TTC6: variants seen among roughly 807,000 people sequenced by gnomAD.
TTC6 encodes tetratricopeptide repeat domain 6.
A neutral mutation model predicts 210.4 loss-of-function variants in TTC6; 172 were observed. That is an observed-to-expected ratio of 0.82 (90% CI 0.72 to 0.93). TTC6 has a LOEUF of 0.93. TTC6 is among the 40% of genes least tolerant of loss of function. The pLI, the probability that TTC6 is intolerant of heterozygous loss-of-function variation, is 0.00. For missense variants in TTC6, 2,414 were observed against 2,318.1 expected (o/e 1.04, Z -0.85); for synonymous variants, 804 against 819.6 (o/e 0.98, Z 0.32).
At chr14:37,829,979 A>G (rs2139010865) in intron 29 of TTC6, among the ~76,000 whole-genome samples, 1 of 152,192 alleles carries the variant, frequency 6.6e-6, no homozygotes. Flanking sequence ...CTATTTGCCA[A>G]ACTCCCCTTC....
chr14:37,830,015 A>C (rs973586698), intron 29 of TTC6, among the ~76,000 whole-genome samples: 1 of 152,058 alleles, frequency 6.6e-6, no homozygotes, highest in East Asian at 1.9e-4. Context: ...TGGTTGTCTG[A>C]AATTAGTCCT....
chr14:37,798,001 C>A (rs1470035713), intron 20 of TTC6, among the ~76,000 whole-genome samples: 2 of 152,020 alleles, frequency 1.3e-5, no homozygotes, highest in Non-Finnish European at 2.9e-5. Context: ...TGTTCTGTTC[C>A]TTTGGTCAAT....
chr14:37,811,985 CAG>C (rs758389374), intron 24 of TTC6, among the ~76,000 whole-genome samples: 89 of 152,256 alleles, frequency 5.8e-4, no homozygotes, highest in Admixed American at 9.8e-4. Context: ...ATCACAGCAA[CAG>C]TCATTTGATG....
intron 27 of TTC6, 66 bp downstream of exon 29, chr14:37,824,023 C>G: frequency 7.2e-7 from 1 of 1,389,910 alleles, no homozygotes; most frequent in Non-Finnish European, 1.0e-6. Flanking sequence ...TTGGCTCTTT[C>G]CTGGCAATGG....
intron 27 of TTC6, 143 bp downstream of exon 29, chr14:37,824,100 G>C: frequency 1.2e-6 from 1 of 802,764 alleles, no homozygotes; most frequent in Non-Finnish European, 1.9e-6. Flanking sequence ...CAGAGTAGCA[G>C]TGGGAGCAGG....
intron 27 of TTC6, among the ~76,000 whole-genome samples, chr14:37,825,129 ATACT>A (rs1188833877): frequency 9.2e-5 from 14 of 152,244 alleles, no homozygotes; most frequent in African/African-American, 2.6e-4. Flanking sequence ...TGTTCAACAA[ATACT>A]TACAGATTCC....
rs146231382 is a variant in TTC6 at position 37,719,526 on chromosome 14, A to G, written c.1713+4730A>G. Among the ~76,000 whole-genome samples the G allele has an allele frequency of 2.7e-4, 41 of 152,306 alleles. 1 individual carries two copies. The East Asian group carries it at 7.7e-3, about 29-fold the overall frequency. On this transcript the variant is annotated intron_variant, in intron 6 of 30. Transcript: ENST00000553443. ...GGCCTGTAGATCAATGGGACAGAGT[A>G]GAAAACCCACAAATGGACTCCTACA...
intron 14 of TTC6, among the ~76,000 whole-genome samples, chr14:37,776,494 T>G (rs1190118598): frequency 6.6e-6 from 1 of 152,218 alleles, no homozygotes; most frequent in Non-Finnish European, 1.5e-5. Flanking sequence ...CAGGACCTCT[T>G]TCTTGTAAGG....
intron 3 of TTC6, among the ~76,000 whole-genome samples, chr14:37,686,047 C>T (rs778546190): frequency 3.3e-5 from 5 of 152,048 alleles, no homozygotes; most frequent in Non-Finnish European, 5.9e-5. Context: ...AATTCCTAGA[C>T]TGAATATCAT....
In TTC6 at chr14:37,792,881, ATACT is replaced by A. The variant is rs746312313; in HGVS notation, c.3708+473_3708+476del. ...CCATAGAATGGGATACTGACCATTC[ATACT>A]TACTTTTAATTTTGTTTAAGTTTTA... is the stretch of plus-strand genomic sequence containing the variant. On this transcript the variant is annotated intron_variant, in intron 17 of 30. Transcript: ENST00000553443. Among the ~76,000 whole-genome samples the A allele has an allele frequency of 6.1e-4, 92 of 151,972 alleles. 1 individual carries two copies. In the Middle Eastern group the frequency reaches 0.014, roughly 22 times the overall value.
intron 1 of TTC6, among the ~76,000 whole-genome samples, chr14:37,635,576 G>A (rs1216582277): frequency 6.6e-6 from 1 of 152,118 alleles, no homozygotes; most frequent in Non-Finnish European, 1.5e-5. Flanking sequence ...TGATGATATT[G>A]GTAGGTTGAA....
intron 1 of TTC6, among the ~76,000 whole-genome samples, chr14:37,602,252 C>T (rs1009396222): frequency 6.6e-6 from 1 of 152,234 alleles, no homozygotes; most frequent in African/African-American, 2.4e-5. Context: ...ACCTTAATTG[C>T]CTCTCTGTCT....
intron 3 of TTC6, among the ~76,000 whole-genome samples, chr14:37,684,312 A>T (rs1034124863): frequency 1.3e-5 from 2 of 152,182 alleles, no homozygotes; most frequent in African/African-American, 4.8e-5. Flanking sequence ...ACATGACACT[A>T]GCCTATTGAT....
chr14:37,710,001 C>T (rs1416036547), intron 5 of TTC6, among the ~76,000 whole-genome samples: 2 of 152,142 alleles, frequency 1.3e-5, no homozygotes, highest in East Asian at 1.9e-4. Flanking sequence ...ATCAGTTTAG[C>T]GATTTGCTAT....
In TTC6 at chr14:37,827,180, T is replaced by C. The variant is rs1215772150; in HGVS notation, c.5128-16T>C. On this transcript the variant is annotated splice_polypyrimidine_tract_variant and intron_variant, in intron 28 of 30. Coordinates refer to ENST00000553443, the Ensembl canonical transcript of TTC6. ...ACTATTCCCCAATGTTAAATAATCA[T>C]AATATTATACTGCAGATCAGTACTA... The C allele has an allele frequency of 6.3e-7, 1 of 1,595,094 alleles. No homozygotes were observed. The highest frequency in any genetic ancestry group is 8.6e-7 in the Non-Finnish European group (1 of 1,169,324).
intron 1 of TTC6, among the ~76,000 whole-genome samples, chr14:37,639,096 T>C (rs1454658102): frequency 6.6e-6 from 1 of 152,218 alleles, no homozygotes; most frequent in Non-Finnish European, 1.5e-5. Context: ...GAACATACAT[T>C]GCTATGTATA....
Position 37,679,094 on chromosome 14 carries a change from A to G in TTC6, c.940-1057A>G, listed in dbSNP as rs141482760. 2.0e-5 allele frequency among the ~76,000 whole-genome samples: 3 copies of G among 152,146 alleles called. No individual in the cohort carries two copies. In the East Asian group the frequency reaches 5.8e-4, roughly 29 times the overall value. On this transcript the variant is annotated intron_variant, in intron 1 of 30. Transcript: ENST00000553443. Reference sequence around the variant, plus strand: ...ACATTAGTTGAGCGTTGTGGTATGCACTTTGTAGTCCATGCCACTCAGGAG... The same window carrying G: ...ACATTAGTTGAGCGTTGTGGTATGCGCTTTGTAGTCCATGCCACTCAGGAG...
chr14:37,686,656 A>T (rs1403413257), intron 3 of TTC6, among the ~76,000 whole-genome samples: 1 of 152,162 alleles, frequency 6.6e-6, no homozygotes, highest in Non-Finnish European at 1.5e-5. Flanking sequence ...GGAAGGTGAG[A>T]CGTGTGTCTC....
At chr14:37,648,427 C>G (rs980812748) in intron 1 of TTC6, among the ~76,000 whole-genome samples, 1 of 152,074 alleles carries the variant, frequency 6.6e-6, no homozygotes, top group African/African-American at 2.4e-5. Flanking sequence ...GAAAAATGTT[C>G]TAGGTTACAG....
Sources: gnomAD v4.1 joint callset for allele counts (sites outside exome capture counted in the v4.1 genomes callset) on GRCh38, gnomAD v4.1.1 for gene constraint, MANE v1.5 for transcripts, NCBI Gene and HGNC (gene_info 2026-07-23, HGNC 2026-07-21) for gene names.